The following DPP3 variants were observed in gnomAD, a reference collection of about 807,000 sequenced individuals.
DPP3 encodes DPP III.
Under a neutral mutation model 89.8 loss-of-function variants are expected in DPP3, and 64 were observed. That is an observed-to-expected ratio of 0.71 (90% CI 0.58 to 0.88). DPP3 has a LOEUF of 0.88. Among genes scored for constraint, DPP3 ranks in the 40% least tolerant of loss-of-function variants. DPP3 has a pLI of 0.00. For synonymous variants in DPP3, 377 were observed against 404.3 expected (o/e 0.93, Z 0.81); for missense variants, 835 against 972.5 (o/e 0.86, Z 1.88).
chr11:66,508,515 A>ATTATTTAT lies in DPP3; in HGVS notation c.2042-545_2042-538dup, dbSNP rs558050868. 3.3e-5 allele frequency among the ~76,000 whole-genome samples: 5 copies of ATTATTTAT among 151,856 alleles called. No individual in the cohort carries two copies. The East Asian group carries it at 9.7e-4, about 29-fold the overall frequency. Reference sequence around the variant, plus strand: ...CCTAGTGTGGCACCTGGTGTCTTTTATTATTTATTTATTTATTTATTTATT... The same window carrying ATTATTTAT: ...CCTAGTGTGGCACCTGGTGTCTTTTATTATTTATTTATTTATTTATTTATTTATTTATT... On this transcript the variant is annotated intron_variant, in intron 17 of 17. Coordinates refer to ENST00000531863, the MANE Select transcript of DPP3 (RefSeq NM_130443.4).
chr11:66,501,663 A>G (rs1297683638), intron 16 of DPP3, among the ~76,000 whole-genome samples: 1 of 151,526 alleles, frequency 6.6e-6, no homozygotes, highest in African/African-American at 2.4e-5. Flanking sequence ...CACATCTACT[A>G]AAAATACAAA....
At chr11:66,491,836 C>T in intron 9 of DPP3, 80 bp downstream of exon 9, 1 of 1,464,828 alleles carries the variant, frequency 6.8e-7, no homozygotes, top group Non-Finnish European at 9.6e-7. Context: ...CCTGATGGTT[C>T]TCCCCACCCC....
At chr11:66,493,483 C>A in intron 11 of DPP3, 58 bp from the exon 12 acceptor site, 1 of 1,569,644 alleles carries the variant, frequency 6.4e-7, no homozygotes, top group Non-Finnish European at 8.7e-7. Flanking sequence ...GGGAGGCCGA[C>A]AGGCTGTATA....
At chr11:66,487,521 G>A (rs1028482551) in intron 5 of DPP3, among the ~76,000 whole-genome samples, 179 bp downstream of exon 5, 11 of 152,088 alleles carry the variant, frequency 7.2e-5, no homozygotes, top group Non-Finnish European at 1.3e-4. Context: ...GCAGGGCGAG[G>A]AACCAGGACC....
chr11:66,492,693 A>G, intron 9 of DPP3, 23 bp from the exon 10 acceptor site: 1 of 1,546,706 alleles, frequency 6.5e-7, no homozygotes, highest in South Asian at 1.3e-5. Context: ...CTGCCAAGCC[A>G]CAACCCCCTC....
Position 66,495,727 on chromosome 11 carries a change from C to T in DPP3, c.1675C>T (p.Pro559Ser). 1 of 1,612,226 alleles carries T rather than the reference C, an allele frequency of 6.2e-7. No individual in the cohort carries two copies. The highest frequency in any genetic ancestry group is 1.3e-5 in the African/African-American group (1 of 75,022). The stretch of plus-strand genomic sequence containing the variant: ...GCTGCTCGCTCTGGAGTTCTACACA[C>T]CTGAGGCCTTCAACTGGCGACAGGT... The part of the protein sequence containing the change: ...AGLLALEFYT[P>S]EAFNWRQAHM... The change falls in exon 15 of 18, where the codon CCT becomes TCT. Residue 559 changes from proline (P) to serine (S), a missense_variant. Pro to Ser is a moderately conservative substitution (Grantham distance 74, BLOSUM62 -1). Coordinates refer to ENST00000531863, the MANE Select transcript of DPP3 (RefSeq NM_130443.4).
intron 16 of DPP3, among the ~76,000 whole-genome samples, chr11:66,499,877 C>T (rs1355262799): frequency 6.6e-6 from 1 of 151,860 alleles, no homozygotes; most frequent in African/African-American, 2.4e-5. Context: ...TAATCTCTTC[C>T]TGTGCCTAAT....
At chr11:66,487,767 C>G (rs760858715) in intron 5 of DPP3, 147 bp from the exon 6 acceptor site, 54 of 666,038 alleles carry the variant, frequency 8.1e-5, no homozygotes, top group South Asian at 1.9e-5. Context: ...CACTCCCACT[C>G]TCTCCCACTC....
intron 2 of DPP3, among the ~76,000 whole-genome samples, chr11:66,483,352 C>G (rs1855139976): frequency 6.6e-6 from 1 of 152,132 alleles, no homozygotes; most frequent in South Asian, 2.1e-4. Flanking sequence ...TCAATCCCAT[C>G]TGTGTATTAC....
chr11:66,481,650 C>T (rs1855084829), intron 1 of DPP3, among the ~76,000 whole-genome samples: 1 of 151,484 alleles, frequency 6.6e-6, no homozygotes, highest in African/African-American at 2.4e-5. Flanking sequence ...TAGAGTCAAT[C>T]AATTTTTTTT....
chr11:66,489,858 G>T (rs919362813), intron 6 of DPP3, among the ~76,000 whole-genome samples: 22 of 152,302 alleles, frequency 1.4e-4, no homozygotes, highest in African/African-American at 5.3e-4. Context: ...CCCTCCTATT[G>T]TTCGTGGTAG....
chr11:66,502,157 G>A (rs1039314715), intron 16 of DPP3, among the ~76,000 whole-genome samples: 3 of 152,028 alleles, frequency 2.0e-5, no homozygotes, highest in Non-Finnish European at 4.4e-5. Context: ...ACGCCACTGC[G>A]CTCCAGCCTG....
At chr11:66,491,207 C>A in intron 6 of DPP3, 46 bp from the exon 7 acceptor site, 1 of 1,609,370 alleles carries the variant, frequency 6.2e-7, no homozygotes, top group Non-Finnish European at 8.5e-7. Context: ...CTGAGTGAGG[C>A]CTCTTACTCC....
At chr11:66,486,422 A>G (rs373873998) in intron 3 of DPP3, 118 bp from the exon 4 acceptor site, 1 of 1,287,554 alleles carries the variant, frequency 7.8e-7, no homozygotes, top group African/African-American at 1.5e-5. Flanking sequence ...TGGTCCATGG[A>G]CCACACAATG....
chr11:66,493,281 C>T (rs943807826), intron 11 of DPP3, 102 bp downstream of exon 11: 2 of 1,052,818 alleles, frequency 1.9e-6, no homozygotes, highest in African/African-American at 1.6e-5. Flanking sequence ...CACATAGCTT[C>T]AGTCCTGGCT....
intron 16 of DPP3, 31 bp from the exon 17 acceptor site, chr11:66,504,581 A>C (rs776028055): frequency 6.3e-7 from 1 of 1,581,776 alleles, no homozygotes; most frequent in Admixed American, 1.7e-5. Flanking sequence ...GTAACTGCCC[A>C]TCCTAGACAT....
rs376944244 is a variant in DPP3 at position 66,491,475 on chromosome 11, C to G, written c.799-19C>G. 23 of 1,596,150 alleles carry G rather than the reference C, an allele frequency of 1.4e-5. No homozygotes were observed. Among genetic ancestry groups the G allele is most frequent in the Non-Finnish European group, 1.8e-5 (21 of 1,168,634 alleles). ...GGTGGGTGGGTGGCCCGAGGCTGACCGACCCCCGCTCACCTCAGGCCTATG... is the reference window on the plus strand; with the variant it reads ...GGTGGGTGGGTGGCCCGAGGCTGACGGACCCCCGCTCACCTCAGGCCTATG... On this transcript the variant is annotated intron_variant, in intron 7 of 17. Transcript: ENST00000531863.
At chr11:66,506,021 C>G (rs1590749143) in intron 17 of DPP3, among the ~76,000 whole-genome samples, 2 of 152,286 alleles carry the variant, frequency 1.3e-5, no homozygotes, top group East Asian at 3.9e-4. Context: ...ACAATCTCGG[C>G]TCATTGCAAC....
Position 66,491,612 on chromosome 11 carries a change from C to G in DPP3, c.917C>G (p.Pro306Arg). 4 of 1,613,556 alleles carry G rather than the reference C, an allele frequency of 2.5e-6. No individual in the cohort carries two copies. The highest frequency in any genetic ancestry group is 2.5e-6 in the Non-Finnish European group (3 of 1,179,556). Residue 306 changes from proline (P) to arginine (R), a missense_variant, in exon 8 of 18, where the codon CCC becomes CGC. Pro to Arg is a moderately radical substitution (Grantham distance 103, BLOSUM62 -2). Coordinates refer to ENST00000531863, the MANE Select transcript of DPP3 (RefSeq NM_130443.4). ...GSRFWIQDKG[P>R]IVESYIGFIE... is the part of the protein sequence containing the mutation. Reference sequence around the variant, plus strand: ...CGCTTCTGGATCCAGGACAAAGGCCCCATCGTGGAGAGGTGAGGCGCCAGC... The same window carrying G: ...CGCTTCTGGATCCAGGACAAAGGCCGCATCGTGGAGAGGTGAGGCGCCAGC...
Sources: gnomAD v4.1 joint callset for allele counts (sites outside exome capture counted in the v4.1 genomes callset) on GRCh38, gnomAD v4.1.1 for gene constraint, MANE v1.5 for transcripts, NCBI Gene and HGNC (gene_info 2026-07-23, HGNC 2026-07-21) for gene names.